Variants in CTNNA3 observed in about 807,000 individuals in gnomAD.
CTNNA3 encodes catenin alpha-3.
CTNNA3 carries 76 observed loss-of-function variants against 95.7 expected under a neutral mutation model. The ratio of observed to expected loss-of-function variants is 0.79; its 90% CI spans 0.66 to 0.96. The LOEUF is 0.96. Among genes scored for constraint, CTNNA3 ranks in the 40% least tolerant of loss-of-function variants. The pLI is 0.00. For missense variants in CTNNA3, 1,191 were observed against 1,089.8 expected (o/e 1.09, Z -1.31); for synonymous variants, 431 against 374.4 (o/e 1.15, Z -1.74).
rs530686247 is a variant in CTNNA3, at chr10:66,747,787, T to C, written c.1281+18477A>G. Among the ~76,000 whole-genome samples the C allele has an allele frequency of 2.0e-5, 3 of 152,302 alleles. No individual in the cohort carries two copies. The East Asian group carries it at 5.8e-4, about 29-fold the overall frequency. ...GCTCCAGTTCTTAGGAAGGAAGGTA[T>C]CCTAGAAACAAGCAAAGAAATAGAT... On this transcript the variant is annotated intron_variant, in intron 9 of 17. Coordinates refer to ENST00000433211, the MANE Select transcript of CTNNA3 (RefSeq NM_013266.4).
At chr10:67,270,244 C>A (rs1838916569) in intron 5 of CTNNA3, among the ~76,000 whole-genome samples, 2 of 151,940 alleles carry the variant, frequency 1.3e-5, no homozygotes, top group Admixed American at 1.3e-4. Flanking sequence ...ATAGGCACAT[C>A]TATTCGCATC....
At position 66,775,455 on chromosome 10, in the gene CTNNA3, G is replaced by C; in HGVS notation, c.1117C>G (p.Leu373Val). 6.2e-7 allele frequency: 1 copy of C among 1,609,012 alleles called. No homozygotes were observed. The highest frequency in any genetic ancestry group is 8.5e-7 in the Non-Finnish European group (1 of 1,177,094). The change falls in exon 8 of 18, where the codon CTT becomes GTT. Residue 373 changes from leucine (L) to valine (V), a missense_variant. Coordinates refer to ENST00000433211, the MANE Select transcript of CTNNA3 (RefSeq NM_013266.4). Reference sequence around the variant, plus strand: ...CTCTCTTCCCTCACCTGTCTGCGAAGGTCTCTTGTCTTCTTACACATGTTG... The same window carrying C: ...CTCTCTTCCCTCACCTGTCTGCGAACGTCTCTTGTCTTCTTACACATGTTG... ...LDNMCKKTRD[L>V]RRQLRKAIID...
At chr10:66,500,768 C>G (rs1840253099) in intron 11 of CTNNA3, among the ~76,000 whole-genome samples, 1 of 152,114 alleles carries the variant, frequency 6.6e-6, no homozygotes, top group Non-Finnish European at 1.5e-5. Flanking sequence ...AGTATTACAA[C>G]TGTGCCTGAA....
At chr10:67,132,045 T>C (rs1860036482) in intron 7 of CTNNA3, among the ~76,000 whole-genome samples, 1 of 152,106 alleles carries the variant, frequency 6.6e-6, no homozygotes, top group Non-Finnish European at 1.5e-5. Context: ...GTATTCTGCA[T>C]AAGATGTGAT....
At chr10:66,214,732 A>T (rs16922617) in intron 13 of CTNNA3, among the ~76,000 whole-genome samples, 2,282 of 152,266 alleles carry the variant, frequency 0.015, 55 homozygotes, top group African/African-American at 0.052. Context: ...GGGACATACT[A>T]ACTTTGCCGT....
intron 10 of CTNNA3, among the ~76,000 whole-genome samples, chr10:66,591,934 T>A (rs1481664220): frequency 1.3e-5 from 2 of 152,080 alleles, no homozygotes; most frequent in Admixed American, 1.3e-4. Flanking sequence ...CCCTATCAGC[T>A]CATATTGAGT....
chr10:67,274,159 T>C (rs1055651063), intron 5 of CTNNA3, among the ~76,000 whole-genome samples: 16 of 152,018 alleles, frequency 1.1e-4, no homozygotes, highest in Admixed American at 2.6e-4. Context: ...AACAAAGAGA[T>C]TCTCACAACT....
At chr10:66,742,501 C>G (rs138814914) in intron 9 of CTNNA3, among the ~76,000 whole-genome samples, 4,588 of 152,118 alleles carry the variant, frequency 0.03, 65 homozygotes, top group Middle Eastern at 0.058. Flanking sequence ...TCTCTGTGAC[C>G]CATACCCTAT....
At chr10:66,424,571 ATT>A (rs1328343484) in intron 11 of CTNNA3, among the ~76,000 whole-genome samples, 3 of 152,032 alleles carry the variant, frequency 2.0e-5, no homozygotes, top group African/African-American at 7.2e-5. Flanking sequence ...TTATAAATAA[ATT>A]TGTTTTCACA....
chr10:66,368,702 A>T (rs78172328), intron 12 of CTNNA3, among the ~76,000 whole-genome samples: 4,369 of 152,228 alleles, frequency 0.029, 191 homozygotes, highest in African/African-American at 0.097. Flanking sequence ...AGAAGTAGCT[A>T]TTAAAGGATA....
At chr10:66,333,777 A>G (rs370063102) in intron 12 of CTNNA3, among the ~76,000 whole-genome samples, 1 of 151,068 alleles carries the variant, frequency 6.6e-6, no homozygotes, top group African/African-American at 2.4e-5. Context: ...CAATTCCTGG[A>G]TATCCTTGTT....
At chr10:67,762,840 C>T (rs1052840476) in intron 1 of CTNNA3, among the ~76,000 whole-genome samples, 3 of 152,152 alleles carry the variant, frequency 2.0e-5, no homozygotes, top group African/African-American at 7.2e-5. Flanking sequence ...AAGCACTATC[C>T]TATTCTGTTC....
chr10:65,924,135 T>C (rs2077129743), intron 17 of CTNNA3, among the ~76,000 whole-genome samples: 1 of 152,182 alleles, frequency 6.6e-6, no homozygotes, highest in African/African-American at 2.4e-5. Context: ...GAAGAACCAA[T>C]TTTCCAAAAT....
chr10:66,260,567 C>A (rs1354072972), intron 13 of CTNNA3, among the ~76,000 whole-genome samples: 1 of 151,722 alleles, frequency 6.6e-6, no homozygotes, highest in Non-Finnish European at 1.5e-5. Flanking sequence ...CTTCAGAGGA[C>A]AAAAGGGAAG....
chr10:67,003,009 C>T (rs941369426), intron 7 of CTNNA3, among the ~76,000 whole-genome samples: 7 of 152,060 alleles, frequency 4.6e-5, no homozygotes, highest in Non-Finnish European at 7.4e-5. Flanking sequence ...ATTGCTTTCA[C>T]GGTAATTATG....
intron 7 of CTNNA3, among the ~76,000 whole-genome samples, chr10:66,828,665 G>T (rs957746465): frequency 6.6e-6 from 1 of 152,082 alleles, no homozygotes; most frequent in Non-Finnish European, 1.5e-5. Flanking sequence ...ATTTTAAAAC[G>T]CTTAAGTGTT....
At chr10:67,164,799 T>C (rs964796073) in intron 7 of CTNNA3, among the ~76,000 whole-genome samples, 1 of 152,162 alleles carries the variant, frequency 6.6e-6, no homozygotes, top group Admixed American at 6.5e-5. Flanking sequence ...ATGTTTGACA[T>C]CACTGGCTAT....
At chr10:66,629,406 G>T (rs183988671) in intron 9 of CTNNA3, among the ~76,000 whole-genome samples, 1 of 151,976 alleles carries the variant, frequency 6.6e-6, no homozygotes, top group Non-Finnish European at 1.5e-5. Context: ...TCATGTATTA[G>T]GTTGGTGCAA....
intron 7 of CTNNA3, among the ~76,000 whole-genome samples, chr10:66,985,760 A>G (rs1015077622): frequency 1.3e-5 from 2 of 151,956 alleles, no homozygotes; most frequent in Non-Finnish European, 1.5e-5. Context: ...ACAGAGTCTC[A>G]CTCTATCACC....
Sources: allele counts gnomAD v4.1 joint callset (sites outside exome capture counted in the v4.1 genomes callset), GRCh38; gene constraint gnomAD v4.1.1; transcripts MANE v1.5; gene names NCBI Gene and HGNC (gene_info 2026-07-23, HGNC 2026-07-21).